Variants in N4BP2 observed in about 807,000 individuals in gnomAD.
N4BP2 encodes the protein NEDD4 binding protein 2.
Under a neutral mutation model 152.8 loss-of-function variants are expected in N4BP2, and 91 were observed. The observed-to-expected ratio is 0.60, with a 90% confidence interval of 0.50 to 0.71. N4BP2 has a LOEUF of 0.71. Among genes scored for constraint, N4BP2 ranks in the 30% least tolerant of loss-of-function variants. N4BP2 has a pLI of 0.00. For missense variants in N4BP2, 1,923 were observed against 2,059.1 expected, an observed-to-expected ratio of 0.93 and a Z score of 1.28; for synonymous variants, 646 against 705.3, an observed-to-expected ratio of 0.92 and a Z score of 1.33.
intron 10 of N4BP2, among the ~76,000 whole-genome samples, 180 bp downstream of exon 10, chr4:40,123,392 CT>C (rs149517277): frequency 2.0e-5 from 3 of 151,728 alleles, no homozygotes; most frequent in Non-Finnish European, 2.9e-5. Context: ...AGATTACTGT[CT>C]TTTTTTTTCT....
chr4:40,131,523 T>TA (rs552101389), intron 12 of N4BP2, among the ~76,000 whole-genome samples: 176 of 152,314 alleles, frequency 1.2e-3, no homozygotes, highest in African/African-American at 4.2e-3. Flanking sequence ...AGTATGTGTA[T>TA]ATATATTTAC....
At chr4:40,111,110 T>G (rs1716837164) in intron 5 of N4BP2, among the ~76,000 whole-genome samples, 1 of 152,202 alleles carries the variant, frequency 6.6e-6, no homozygotes, top group South Asian at 2.1e-4. Flanking sequence ...AAACTTTATT[T>G]TTGAATATTA....
intron 2 of N4BP2, among the ~76,000 whole-genome samples, chr4:40,085,101 C>T (rs548012950): frequency 8.6e-5 from 13 of 151,756 alleles, no homozygotes; most frequent in African/African-American, 2.4e-4. Context: ...TTAGTAGAGA[C>T]GGGGCTTCAC....
At chr4:40,179,247 G>A in the N4BP2 span, among the ~76,000 whole-genome samples, 1 of 152,238 alleles carries the variant, frequency 6.6e-6, no homozygotes, top group South Asian at 2.1e-4. Flanking sequence ...GCTGACGCCT[G>A]TAGTCCCAGC....
Position 40,136,954 on chromosome 4 carries a change from G to A in N4BP2, c.4657G>A (p.Glu1553Lys). The stretch of plus-strand genomic sequence containing the variant: ...TTAAATTTTCTACAGCTATTCATTA[G>A]AACACACAGTGCAATTTCTTAACTG... ...DIFKDHNYSLEHTVQFLNCVL... is the reference protein window; with the variant it reads ...DIFKDHNYSLKHTVQFLNCVL... The change falls in exon 14 of 18, where the codon GAA (glutamate) becomes AAA (lysine). Residue 1553 changes from glutamate (E) to lysine (K), a missense_variant. Transcript: ENST00000261435. The A allele has an allele frequency of 1.2e-6, 2 of 1,610,280 alleles. No individual in the cohort carries two copies. Among genetic ancestry groups the A allele is most frequent in the South Asian group, 1.1e-5 (1 of 90,274 alleles).
chr4:40,129,566 C>G (rs776743763), intron 12 of N4BP2, among the ~76,000 whole-genome samples: 13 of 152,044 alleles, frequency 8.6e-5, no homozygotes, highest in Non-Finnish European at 1.5e-4. Flanking sequence ...ATAATAGAAG[C>G]TGGTTGGCTT....
intron 2 of N4BP2, among the ~76,000 whole-genome samples, chr4:40,082,704 CT>C (rs573692053): frequency 2.8e-3 from 398 of 142,870 alleles, no homozygotes; most frequent in Middle Eastern, 7.3e-3. Flanking sequence ...AGGCTGTATT[CT>C]TTTTTTTTTT....
At chr4:40,084,374 TATAG>T (rs1713707732) in intron 2 of N4BP2, among the ~76,000 whole-genome samples, 1 of 151,864 alleles carries the variant, frequency 6.6e-6, no homozygotes, top group South Asian at 2.1e-4. Flanking sequence ...TTGCAATTAC[TATAG>T]ATAGGGCAGG....
the N4BP2 span, among the ~76,000 whole-genome samples, chr4:40,168,915 G>A: frequency 1.3e-5 from 2 of 151,724 alleles, no homozygotes; most frequent in African/African-American, 2.4e-5. Context: ...TAGTAGAGAC[G>A]AGGTTTCACC....
At chr4:40,168,349 TAAA>T in the N4BP2 span, among the ~76,000 whole-genome samples, 1 of 152,048 alleles carries the variant, frequency 6.6e-6, no homozygotes. Context: ...CTTAGAGTGA[TAAA>T]GAAGTATTTA....
At chr4:40,124,048 T>C (rs1718173507) in intron 10 of N4BP2, 112 bp from the exon 11 acceptor site, 1 of 723,912 alleles carries the variant, frequency 1.4e-6, no homozygotes, top group Non-Finnish European at 2.4e-6. Flanking sequence ...GTAAGAATGG[T>C]TTACAGTTAT....
rs369508844 is a variant in N4BP2, at chr4:40,087,783, CTCTCT to C, written c.-114-9443_-114-9439del. On this transcript the variant is annotated intron_variant, in intron 2 of 17. Coordinates refer to ENST00000261435, the MANE Select transcript of N4BP2 (RefSeq NM_018177.6). Reference sequence around the variant, plus strand: ...TTTTTTATTTTTTGAGATGGAGTGTCTCTCTGTTGCCCAGGCTGAATGGCTCGATC... The same window carrying C: ...TTTTTTATTTTTTGAGATGGAGTGTCGTTGCCCAGGCTGAATGGCTCGATC... Among the ~76,000 whole-genome samples, 79 of 151,620 alleles carry C rather than the reference CTCTCT, an allele frequency of 5.2e-4. No homozygotes were observed. The South Asian group carries it at 0.015, about 30-fold the overall frequency.
intron 14 of N4BP2, among the ~76,000 whole-genome samples, chr4:40,141,448 G>A (rs1489187418): frequency 2.6e-5 from 4 of 151,804 alleles, no homozygotes; most frequent in African/African-American, 9.7e-5. Flanking sequence ...CATCCCAGAC[G>A]GGGCGGCGGG....
intron 6 of N4BP2, 99 bp downstream of exon 6, chr4:40,112,271 A>G: frequency 2.7e-6 from 2 of 732,704 alleles, no homozygotes; most frequent in Non-Finnish European, 2.3e-6. Context: ...AGAATCTCAG[A>G]ACCTTGGATA....
intron 14 of N4BP2, 113 bp downstream of exon 14, chr4:40,137,195 G>A: frequency 1.1e-6 from 1 of 879,896 alleles, no homozygotes; most frequent in South Asian, 2.5e-5. Flanking sequence ...TGACTAGACT[G>A]GAAATTTAAC....
chr4:40,069,064 G>T (rs756150865), intron 1 of N4BP2, among the ~76,000 whole-genome samples: 13 of 151,836 alleles, frequency 8.6e-5, no homozygotes, highest in Non-Finnish European at 1.9e-4. Context: ...ATGTTGCAGT[G>T]AGCCGGGATC....
chr4:40,124,054 G>T (rs1718174030), intron 10 of N4BP2, 106 bp from the exon 11 acceptor site: 1 of 791,000 alleles, frequency 1.3e-6, no homozygotes. Context: ...ATGGTTTACA[G>T]TTATACAAGG....
rs777385620 is a variant in N4BP2, at chr4:40,121,562, G to A, written c.3451G>A (p.Gly1151Arg). Residue 1151 changes from glycine (G) to arginine (R), a missense_variant, in exon 9 of 18, where the codon GGG becomes AGG. Physicochemically the swap from Gly to Arg is moderately radical, Grantham distance 125. Coordinates refer to ENST00000261435, the MANE Select transcript of N4BP2 (RefSeq NM_018177.6). ...AAAATCGTGTGATGGATCACAAATTGGGCCTTTTTCTCTGGGGTTGAATTT... is the reference window on the plus strand; with the variant it reads ...AAAATCGTGTGATGGATCACAAATTAGGCCTTTTTCTCTGGGGTTGAATTT... Reference protein sequence around the residue: ...FQKSCDGSQIGPFSLGLNLKE... With the variant: ...FQKSCDGSQIRPFSLGLNLKE... The A allele has an allele frequency of 6.2e-7, 1 of 1,614,094 alleles. No individual in the cohort carries two copies. Among genetic ancestry groups the A allele is most frequent in the Non-Finnish European group, 8.5e-7 (1 of 1,179,998 alleles).
chr4:40,139,673 A>G (rs945574017), intron 14 of N4BP2, among the ~76,000 whole-genome samples: 2 of 151,496 alleles, frequency 1.3e-5, no homozygotes, highest in Admixed American at 6.6e-5. Flanking sequence ...TTGTATTTTT[A>G]GTAGAGACGG....
Sources: gnomAD v4.1 joint callset for allele counts (sites outside exome capture counted in the v4.1 genomes callset) on GRCh38, gnomAD v4.1.1 for gene constraint, MANE v1.5 for transcripts, NCBI Gene and HGNC (gene_info 2026-07-23, HGNC 2026-07-21) for gene names.